Variants in HS3ST2 observed in about 807,000 individuals in gnomAD.
HS3ST2 encodes heparan sulfate glucosamine 3-O-sulfotransferase 2.
A neutral mutation model predicts 26.3 loss-of-function variants in HS3ST2; 17 were observed. The ratio of observed to expected loss-of-function variants is 0.65; its 90% CI spans 0.44 to 0.97. The LOEUF (loss-of-function observed/expected upper bound fraction) is 0.97. Among genes scored for constraint, HS3ST2 ranks in the 50% least tolerant of loss-of-function variants. The pLI, the probability that HS3ST2 is intolerant of heterozygous loss-of-function variation, is 0.00. For missense variants in HS3ST2, 402 were observed against 501.2 expected (o/e 0.80, Z 1.89); for synonymous variants, 237 against 219.2 (o/e 1.08, Z -0.72).
At chr16:22,898,683 C>T (rs1221050590) in intron 1 of HS3ST2, among the ~76,000 whole-genome samples, 1 of 152,194 alleles carries the variant, frequency 6.6e-6, no homozygotes, top group Non-Finnish European at 1.5e-5. Context: ...TAGAAAAGAA[C>T]TCACATGTGT....
chr16:22,852,282 A>C (rs1219092363), intron 1 of HS3ST2, among the ~76,000 whole-genome samples: 1 of 152,194 alleles, frequency 6.6e-6, no homozygotes, highest in Admixed American at 6.5e-5. Flanking sequence ...CACAGGAGCA[A>C]AAATAAGTGA....
chr16:22,862,399 G>T (rs894027570), intron 1 of HS3ST2, among the ~76,000 whole-genome samples: 5 of 151,986 alleles, frequency 3.3e-5, no homozygotes, highest in African/African-American at 1.2e-4. Flanking sequence ...TGTTTTAAGG[G>T]CAAACTAACC....
At chr16:22,899,390 A>G (rs953233785) in intron 1 of HS3ST2, among the ~76,000 whole-genome samples, 6 of 152,190 alleles carry the variant, frequency 3.9e-5, no homozygotes, top group South Asian at 2.1e-4. Context: ...CTACATTCTA[A>G]TGGTTTCTAT....
At chr16:22,815,938 G>A (rs923464260) in intron 1 of HS3ST2, among the ~76,000 whole-genome samples, 1 of 152,216 alleles carries the variant, frequency 6.6e-6, no homozygotes, top group Non-Finnish European at 1.5e-5. Flanking sequence ...TGGGCCCTGC[G>A]GGTGAAGGCT....
rs111703383 is a variant in HS3ST2, at chr16:22,815,000, G to A, written c.390G>A (p.Val130=). The change falls in exon 1 of 2, where the codon GTG becomes GTA. Residue 130 remains valine, a synonymous_variant. Coordinates refer to ENST00000261374, the MANE Select transcript of HS3ST2 (RefSeq NM_006043.2). ...TGAAGAAGGGGGGCACCCGGGCCGTGCTGGAGTTTATCCGAGTACACCCGG... is the reference window on the plus strand; with the variant it reads ...TGAAGAAGGGGGGCACCCGGGCCGTACTGGAGTTTATCCGAGTACACCCGG... The part of the protein sequence containing the change: ...VGVKKGGTRA[V]LEFIRVHPDV... 14,706 of 1,613,122 alleles carry A rather than the reference G, an allele frequency of 9.1e-3. 1,188 individuals carry two copies. In the African/African-American group the frequency reaches 0.17, roughly 19 times the overall value.
chr16:22,887,786 G>GGA lies in HS3ST2; in HGVS notation c.486-27158_486-27157insGA, dbSNP rs1555514076. ...ATATAACGAGACCCCATCTCTACGG[G>GGA]AAAAAAAAAAAAACTAGCCAGGCAT... On this transcript the variant is annotated intron_variant, in intron 1 of 1. Transcript: ENST00000261374. Among the ~76,000 whole-genome samples the GGA allele has an allele frequency of 2.1e-4, 31 of 146,188 alleles. 1 individual carries two copies. The East Asian group carries it at 4.4e-3, about 21-fold the overall frequency.
chr16:22,906,105 G>A (rs574929250), intron 1 of HS3ST2, among the ~76,000 whole-genome samples: 2 of 152,246 alleles, frequency 1.3e-5, no homozygotes, highest in Admixed American at 1.3e-4. Flanking sequence ...GGGCACGGTG[G>A]CTCATGCCTG....
chr16:22,846,341 C>T (rs1267768913), intron 1 of HS3ST2, among the ~76,000 whole-genome samples: 1 of 151,718 alleles, frequency 6.6e-6, no homozygotes, highest in East Asian at 1.9e-4. Context: ...TTATTGTTGG[C>T]TGTGGTCAGT....
chr16:22,863,219 C>T (rs930797916), intron 1 of HS3ST2, among the ~76,000 whole-genome samples: 8 of 152,222 alleles, frequency 5.3e-5, no homozygotes, highest in Admixed American at 3.3e-4. Context: ...CATCAGTAGA[C>T]ATCGTTGCCG....
intron 1 of HS3ST2, among the ~76,000 whole-genome samples, chr16:22,826,097 A>G (rs1231061826): frequency 6.6e-6 from 1 of 152,228 alleles, no homozygotes; most frequent in Non-Finnish European, 1.5e-5. Context: ...GTGCCAGGCA[A>G]TGTGCTAAGC....
rs753715795 is a variant in HS3ST2 at position 22,814,619 on chromosome 16, T to C, written c.9T>C (p.Tyr3=). 100 of 1,544,426 alleles carry C rather than the reference T, an allele frequency of 6.5e-5. No homozygotes were observed. The highest frequency in any genetic ancestry group is 7.9e-5 in the Non-Finnish European group (90 of 1,146,236). ...CGCGGGCCCATGGAGCCATGGCCTA[T>C]AGGGTCCTGGGCCGCGCGGGGCCAC... is the stretch of plus-strand genomic sequence containing the variant. The part of the protein sequence containing the change: MA[Y]RVLGRAGPPQ... Residue 3 remains tyrosine (Y), a synonymous_variant, in exon 1 of 2, where the codon TAT becomes TAC. Coordinates refer to ENST00000261374, the MANE Select transcript of HS3ST2 (RefSeq NM_006043.2).
chr16:22,838,331 G>C (rs1319576944), intron 1 of HS3ST2, among the ~76,000 whole-genome samples: 1 of 152,108 alleles, frequency 6.6e-6, no homozygotes, highest in Non-Finnish European at 1.5e-5. Flanking sequence ...TATGTTCGAA[G>C]CTGACCCGCT....
Position 22,839,681 on chromosome 16 carries a change from C to T in HS3ST2, c.485+24586C>T, listed in dbSNP as rs551990143. On this transcript the variant is annotated intron_variant, in intron 1 of 1. Coordinates refer to ENST00000261374, the MANE Select transcript of HS3ST2 (RefSeq NM_006043.2). ...CCCTTTTACCTAAAGATTCTGATATCAGCCACCCACCTGCTACTCTTGCTA... is the reference window on the plus strand; with the variant it reads ...CCCTTTTACCTAAAGATTCTGATATTAGCCACCCACCTGCTACTCTTGCTA... Among the ~76,000 whole-genome samples the T allele has an allele frequency of 4.6e-5, 7 of 151,806 alleles. No individual in the cohort carries two copies. In the South Asian group the frequency reaches 1.2e-3, roughly 27 times the overall value.
chr16:22,839,730 G>A (rs948756125), intron 1 of HS3ST2, among the ~76,000 whole-genome samples: 5 of 151,808 alleles, frequency 3.3e-5, no homozygotes, highest in Non-Finnish European at 7.4e-5. Flanking sequence ...TCTTGGACGC[G>A]TCTTACCCTC....
chr16:22,855,696 G>GTCTCTCTGTCTCTCTCTCTC (rs1555512843), intron 1 of HS3ST2, among the ~76,000 whole-genome samples: 1 of 142,940 alleles, frequency 7.0e-6, no homozygotes, highest in Non-Finnish European at 1.5e-5. Flanking sequence ...CTGTCTCTCT[G>GTCTCTCTGTCTCTCTCTCTC]TCTCTCTCTC....
At chr16:22,889,601 T>C (rs963373005) in intron 1 of HS3ST2, among the ~76,000 whole-genome samples, 2 of 152,260 alleles carry the variant, frequency 1.3e-5, no homozygotes, top group African/African-American at 4.8e-5. Flanking sequence ...AAATCCCCAA[T>C]CTGAAACACA....
chr16:22,837,802 T>C, intron 1 of HS3ST2, among the ~76,000 whole-genome samples: 1 of 151,926 alleles, frequency 6.6e-6, no homozygotes, highest in East Asian at 1.9e-4. Flanking sequence ...GTTCATGTGA[T>C]CTCTCTCTAA....
intron 1 of HS3ST2, among the ~76,000 whole-genome samples, chr16:22,889,976 T>C (rs1221484662): frequency 6.6e-6 from 1 of 152,236 alleles, no homozygotes; most frequent in African/African-American, 2.4e-5. Flanking sequence ...ATTCTTAGGA[T>C]TGACTTCAAG....
At chr16:22,908,918 A>T (rs1487763524) in intron 1 of HS3ST2, among the ~76,000 whole-genome samples, 1 of 152,230 alleles carries the variant, frequency 6.6e-6, no homozygotes, top group Non-Finnish European at 1.5e-5. Flanking sequence ...AACAAAAACC[A>T]ACTCTAACTA....
Sources: allele counts gnomAD v4.1 joint callset (sites outside exome capture counted in the v4.1 genomes callset), GRCh38; gene constraint gnomAD v4.1.1; transcripts MANE v1.5; gene names NCBI Gene and HGNC (gene_info 2026-07-23, HGNC 2026-07-21).